Variants in TRPS1 observed in about 807,000 individuals in gnomAD.
TRPS1 encodes the protein zinc finger transcription factor Trps1.
TRPS1 carries 6 observed loss-of-function variants against 101.2 expected under a neutral mutation model. That is an observed-to-expected ratio of 0.06 (90% CI 0.03 to 0.12). TRPS1 has a LOEUF of 0.12. TRPS1 is among the 10% of genes least tolerant of loss of function. The pLI is 1.00. For synonymous variants in TRPS1, 578 were observed against 589.8 expected, an observed-to-expected ratio of 0.98 and a Z score of 0.29; for missense variants, 1,363 against 1,567.0, an observed-to-expected ratio of 0.87 and a Z score of 2.20.
chr8:115,461,836 T>C (rs2129976156), intron 5 of TRPS1, among the ~76,000 whole-genome samples: 1 of 152,270 alleles, frequency 6.6e-6, no homozygotes, highest in South Asian at 2.1e-4. Context: ...TCTATTTTAC[T>C]TTCCTTAAAT....
intron 1 of TRPS1, among the ~76,000 whole-genome samples, chr8:115,650,507 C>T (rs1265530224): frequency 1.3e-5 from 2 of 152,084 alleles, no homozygotes; most frequent in Admixed American, 1.3e-4. Context: ...TTTTCCAGAG[C>T]TGTTTAAAGT....
chr8:115,592,734 G>T (rs890357859), intron 4 of TRPS1, among the ~76,000 whole-genome samples: 3 of 152,152 alleles, frequency 2.0e-5, no homozygotes, highest in Non-Finnish European at 4.4e-5. Flanking sequence ...ATCACCTGGG[G>T]ATTTCATTCA....
At chr8:115,579,212 A>G (rs866527080) in intron 5 of TRPS1, among the ~76,000 whole-genome samples, 5 of 152,290 alleles carry the variant, frequency 3.3e-5, no homozygotes, top group Middle Eastern at 6.8e-3. Context: ...ACAACCAGTT[A>G]TAAATATCCG....
At chr8:115,668,130 G>C (rs1259527576) in intron 1 of TRPS1, 1 of 593,012 alleles carries the variant, frequency 1.7e-6, no homozygotes, top group African/African-American at 1.9e-5. Flanking sequence ...GGCTGAACTT[G>C]ACCCTGCTGA....
chr8:115,453,728 A>G (rs1272461417), intron 5 of TRPS1, among the ~76,000 whole-genome samples: 1 of 152,252 alleles, frequency 6.6e-6, no homozygotes, highest in Non-Finnish European at 1.5e-5. Flanking sequence ...AGCACCAGTT[A>G]TAAGACTATC....
At chr8:115,605,479 A>G (rs1038240981) in intron 3 of TRPS1, among the ~76,000 whole-genome samples, 4 of 152,182 alleles carry the variant, frequency 2.6e-5, no homozygotes, top group African/African-American at 7.2e-5. Flanking sequence ...CAGTTCCTAC[A>G]GCAATGAGGC....
chr8:115,494,475 T>C (rs1015979452), intron 5 of TRPS1, among the ~76,000 whole-genome samples: 1 of 152,168 alleles, frequency 6.6e-6, no homozygotes, highest in Non-Finnish European at 1.5e-5. Flanking sequence ...CGAAAGCAAA[T>C]TGCTTACGCC....
chr8:115,619,520 A>G lies in TRPS1; in HGVS notation c.578T>C (p.Val193Ala). 6.2e-7 allele frequency: 1 copy of G among 1,614,116 alleles called. No homozygotes were observed. Among genetic ancestry groups the G allele is most frequent in the Non-Finnish European group, 8.5e-7 (1 of 1,180,012 alleles). ...TTGTGGGTTTTTTGAGGCCACTGAA[A>G]CTGGGCTCAAACCTTGACAATTGGC... is the stretch of plus-strand genomic sequence containing the variant. ...GQANCQGLSP[V>A]SVASKNPQVP... is the part of the protein sequence containing the mutation. Residue 193 changes from valine to alanine, a missense_variant, in exon 3 of 7, where the codon GTT (valine) becomes GCT (alanine). Transcript: ENST00000395715.
chr8:115,490,187 A>C (rs2130099213), intron 5 of TRPS1, among the ~76,000 whole-genome samples: 1 of 152,280 alleles, frequency 6.6e-6, no homozygotes, highest in South Asian at 2.1e-4. Flanking sequence ...GGCAAGACCA[A>C]GTTTTACAAG....
chr8:115,656,362 G>A (rs1040025455), intron 1 of TRPS1, among the ~76,000 whole-genome samples: 15 of 152,066 alleles, frequency 9.9e-5, no homozygotes, highest in African/African-American at 3.1e-4. Flanking sequence ...AAATATGTCA[G>A]ATTAAAGTCT....
At chr8:115,423,412 G>A (rs1351638519) in intron 5 of TRPS1, among the ~76,000 whole-genome samples, 1 of 152,156 alleles carries the variant, frequency 6.6e-6, no homozygotes, top group East Asian at 1.9e-4. Flanking sequence ...TTGAGCACTT[G>A]ATCCCTTTCG....
chr8:115,563,656 C>A (rs901419315), intron 5 of TRPS1, among the ~76,000 whole-genome samples: 12 of 152,124 alleles, frequency 7.9e-5, no homozygotes, highest in African/African-American at 2.9e-4. Flanking sequence ...CAATGTAAAT[C>A]TTCCATGGGA....
At chr8:115,639,227 T>A (rs1246113012) in intron 1 of TRPS1, among the ~76,000 whole-genome samples, 1 of 152,000 alleles carries the variant, frequency 6.6e-6, no homozygotes, top group Non-Finnish European at 1.5e-5. Context: ...CCATTCTGGG[T>A]TAATTGAATT....
At chr8:115,499,045 G>A (rs1323900767) in intron 5 of TRPS1, among the ~76,000 whole-genome samples, 2 of 151,896 alleles carry the variant, frequency 1.3e-5, no homozygotes, top group Non-Finnish European at 2.9e-5. Flanking sequence ...TACTATTTTT[G>A]GCATTTAACA....
chr8:115,469,799 G>C (rs1288476789), intron 5 of TRPS1, among the ~76,000 whole-genome samples: 2 of 152,138 alleles, frequency 1.3e-5, no homozygotes, highest in Admixed American at 1.3e-4. Flanking sequence ...AAAGTGCTGG[G>C]ATTACAAGGG....
chr8:115,539,797 G>A (rs892381388), intron 5 of TRPS1, among the ~76,000 whole-genome samples: 1 of 152,212 alleles, frequency 6.6e-6, no homozygotes, highest in Non-Finnish European at 1.5e-5. Flanking sequence ...GGCAGAGGTT[G>A]CAATGAGCTG....
At chr8:115,451,626 C>T (rs1169992400) in intron 5 of TRPS1, among the ~76,000 whole-genome samples, 1 of 152,144 alleles carries the variant, frequency 6.6e-6, no homozygotes, top group Non-Finnish European at 1.5e-5. Context: ...ATCATGTATA[C>T]ATTACAGGAA....
chr8:115,426,139 G>T (rs556745338), intron 5 of TRPS1, among the ~76,000 whole-genome samples: 1 of 152,200 alleles, frequency 6.6e-6, no homozygotes, highest in East Asian at 1.9e-4. Context: ...CTGGAAAGTA[G>T]CTCTATGGGG....
chr8:115,623,689 G>A lies in TRPS1; in HGVS notation c.-52C>T, dbSNP rs762719375. Reference sequence around the variant, plus strand: ...ATTAATTCTATTAGTCAACTAGCAGGAGGCTAATGCAATTGTCTTAGAAGA... The same window carrying A: ...ATTAATTCTATTAGTCAACTAGCAGAAGGCTAATGCAATTGTCTTAGAAGA... On this transcript the variant is annotated 5_prime_UTR_variant, in exon 2 of 7. Coordinates refer to ENST00000395715, the MANE Select transcript of TRPS1 (RefSeq NM_014112.5). 3.1e-6 allele frequency: 5 copies of A among 1,599,106 alleles called. No homozygotes were observed. The highest frequency in any genetic ancestry group is 1.3e-5 in the African/African-American group (1 of 74,654).
Sources: allele counts gnomAD v4.1 joint callset (sites outside exome capture counted in the v4.1 genomes callset), GRCh38; gene constraint gnomAD v4.1.1; transcripts MANE v1.5; gene names NCBI Gene and HGNC (gene_info 2026-07-23, HGNC 2026-07-21).